Variants in MRC1 observed in about 807,000 individuals in gnomAD.
MRC1 encodes macrophage mannose receptor 1.
Under a neutral mutation model 102.9 loss-of-function variants are expected in MRC1, and 62 were observed. That is an observed-to-expected ratio of 0.60 (90% CI 0.49 to 0.74). The LOEUF is 0.74. Among genes scored for constraint, MRC1 ranks in the 30% least tolerant of loss-of-function variants. The pLI is 0.00. For synonymous variants in MRC1, 457 were observed against 298.4 expected (o/e 1.53, Z -5.48); for missense variants, 1,237 against 862.8 (o/e 1.43, Z -5.43).
intron 3 of MRC1, among the ~76,000 whole-genome samples, chr10:17,830,911 CAG>C (rs1838560653): frequency 6.6e-6 from 1 of 150,524 alleles, no homozygotes; most frequent in Non-Finnish European, 1.5e-5. Flanking sequence ...TTTTTGGAGA[CAG>C]AGTCTTGCTC....
At chr10:17,867,957 A>C (rs1334619308) in intron 12 of MRC1, among the ~76,000 whole-genome samples, 1 of 152,230 alleles carries the variant, frequency 6.6e-6, no homozygotes, top group Non-Finnish European at 1.5e-5. Context: ...TTCAGTGCCC[A>C]TTAAATGACA....
At chr10:17,836,214 A>G (rs1838659649) in intron 4 of MRC1, among the ~76,000 whole-genome samples, 2 of 152,246 alleles carry the variant, frequency 1.3e-5, no homozygotes, top group Admixed American at 1.3e-4. Context: ...GTCACCAACC[A>G]GAACACATCT....
chr10:17,879,740 G>C lies in MRC1; in HGVS notation c.2638G>C (p.Val880Leu), dbSNP rs1554842304. The C allele has an allele frequency of 2.6e-6, 2 of 780,874 alleles. No homozygotes were observed. Among genetic ancestry groups the C allele is most frequent in the Admixed American group, 3.4e-5 (2 of 59,030 alleles). The allele number at this position is 780,874 out of a possible 1,614,324, so 48.4% of individuals were successfully genotyped here. The change falls in exon 19 of 30, where the codon GTG (valine) becomes CTG (leucine). Residue 880 changes from valine to leucine, a missense_variant. Val to Leu is a conservative substitution (Grantham distance 32, BLOSUM62 1). Coordinates refer to ENST00000569591, the MANE Select transcript of MRC1 (RefSeq NM_002438.4). ...TTCCAGTTGGATGGATGGAAGCAAAGTGGATTACGTGTCTTGGGCCACAGG... is the reference window on the plus strand; with the variant it reads ...TTCCAGTTGGATGGATGGAAGCAAACTGGATTACGTGTCTTGGGCCACAGG... Reference protein sequence around the residue: ...KKFAWMDGSKVDYVSWATGEP... With the variant: ...KKFAWMDGSKLDYVSWATGEP...
chr10:17,897,977 G>C, intron 23 of MRC1, 57 bp from the exon 24 acceptor site: 1 of 780,498 alleles, frequency 1.3e-6, no homozygotes, highest in Admixed American at 1.7e-5. Flanking sequence ...TATCATTACT[G>C]ATAAGGCTCA....
In MRC1 at chr10:17,894,317, G is replaced by T. The variant is rs1213481590; in HGVS notation, c.3250+5G>T. 3 of 853,970 alleles carry T rather than the reference G, an allele frequency of 3.5e-6. No individual in the cohort carries two copies. The African/African-American group carries it at 5.0e-5, about 14-fold the overall frequency. The allele number at this position is 853,970 out of a possible 1,614,324, so 52.9% of individuals were successfully genotyped here. A position where few individuals can be genotyped will look rare whatever the true frequency, so the allele number is the denominator to read the frequency against. ...ACATATGCCAGACACGATCCGGTAAGTTCTACCAAACCTTACCTTCCTGAA... is the reference window on the plus strand; with the variant it reads ...ACATATGCCAGACACGATCCGGTAATTTCTACCAAACCTTACCTTCCTGAA... On this transcript the variant is annotated splice_donor_5th_base_variant and intron_variant, in intron 23 of 29. Transcript: ENST00000569591.
chr10:17,821,258 A>G (rs536550826), intron 1 of MRC1, among the ~76,000 whole-genome samples: 2,071 of 152,344 alleles, frequency 0.014, 49 homozygotes, highest in Middle Eastern at 0.086. Context: ...TAAGTAAGAC[A>G]GCATTTAATG....
Position 17,866,664 on chromosome 10 carries a change from C to T in MRC1, c.1886C>T (p.Ala629Val), listed in dbSNP as rs1205476782. 2 of 780,662 alleles carry T rather than the reference C, an allele frequency of 2.6e-6. No homozygotes were observed. The highest frequency in any genetic ancestry group is 2.4e-6 in the Non-Finnish European group (1 of 417,956). 48.4% of individuals were successfully genotyped at this position (780,662 alleles called of 1,614,324 possible). A position where few individuals can be genotyped will look rare whatever the true frequency, so the allele number is the denominator to read the frequency against. ...GCAAAATTTGTGTGCAAGCACTGGG[C>T]AGAAGGAGTAACCCACCCACCGAAG... ...EKAKFVCKHWAEGVTHPPKPT... is the reference protein window; with the variant it reads ...EKAKFVCKHWVEGVTHPPKPT... The change falls in exon 12 of 30, where the codon GCA becomes GTA. Residue 629 changes from alanine to valine, a missense_variant. Ala to Val is a moderately conservative substitution (Grantham distance 64, BLOSUM62 0). Coordinates refer to ENST00000569591, the MANE Select transcript of MRC1 (RefSeq NM_002438.4).
chr10:17,894,394 CT>C (rs34625338), intron 23 of MRC1, 82 bp downstream of exon 23: 25,753 of 379,504 alleles, frequency 0.068, 4 homozygotes, highest in Middle Eastern at 0.1. Context: ...TTCTTTCTTT[CT>C]TTTTTTTTTT....
chr10:17,861,869 A>C (rs922572882), intron 10 of MRC1, among the ~76,000 whole-genome samples: 2 of 152,194 alleles, frequency 1.3e-5, no homozygotes, highest in African/African-American at 4.8e-5. Flanking sequence ...TCCACCAAAA[A>C]AGAAGGCAAA....
intron 21 of MRC1, among the ~76,000 whole-genome samples, chr10:17,882,121 A>C (rs1833529154): frequency 6.6e-6 from 1 of 152,090 alleles, no homozygotes. Flanking sequence ...ATCCACTGAA[A>C]TAGGTATTAG....
chr10:17,865,975 T>A (rs1833260117), intron 11 of MRC1, among the ~76,000 whole-genome samples: 1 of 152,240 alleles, frequency 6.6e-6, no homozygotes, highest in African/African-American at 2.4e-5. Flanking sequence ...ACCTTGACTG[T>A]AAGACAGAAT....
intron 4 of MRC1, among the ~76,000 whole-genome samples, chr10:17,839,421 C>A (rs987844392): frequency 2.8e-4 from 42 of 149,024 alleles, no homozygotes; most frequent in East Asian, 2.4e-3. Context: ...CTTTTAGGAG[C>A]ATGTCCTGTA....
At chr10:17,907,757 A>G in intron 28 of MRC1, 59 bp downstream of exon 28, 1 of 777,804 alleles carries the variant, frequency 1.3e-6, no homozygotes, top group Non-Finnish European at 2.4e-6. Context: ...TTCAAATAGT[A>G]AGATATCAGG....
At chr10:17,875,370 G>A in intron 17 of MRC1, 117 bp downstream of exon 17, 1 of 732,018 alleles carries the variant, frequency 1.4e-6, no homozygotes, top group Admixed American at 1.9e-5. Flanking sequence ...CCCGTCACCT[G>A]AGCAGTATAC....
At chr10:17,837,684 A>G (rs1435522119) in intron 4 of MRC1, among the ~76,000 whole-genome samples, 3 of 151,670 alleles carry the variant, frequency 2.0e-5, no homozygotes, top group Admixed American at 6.6e-5. Context: ...GCTGGAGTGC[A>G]GTGGCACTAG....
chr10:17,901,945 T>C, intron 25 of MRC1, 28 bp from the exon 26 acceptor site: 1 of 780,838 alleles, frequency 1.3e-6, no homozygotes, highest in Non-Finnish European at 2.4e-6. Flanking sequence ...CAGGTTTTGC[T>C]TTATTTAAAA....
chr10:17,887,605 T>C (rs1564624134), intron 22 of MRC1, among the ~76,000 whole-genome samples: 1 of 152,170 alleles, frequency 6.6e-6, no homozygotes, highest in African/African-American at 2.4e-5. Flanking sequence ...ATTGCACATA[T>C]TTTTGTTGTT....
intron 27 of MRC1, 46 bp downstream of exon 27, chr10:17,907,045 T>C: frequency 1.3e-6 from 1 of 776,274 alleles, no homozygotes; most frequent in Non-Finnish European, 2.4e-6. Flanking sequence ...TTGTAAAATG[T>C]TGTATGTAAA....
intron 23 of MRC1, among the ~76,000 whole-genome samples, chr10:17,896,705 A>T (rs1833759825): frequency 6.6e-6 from 1 of 152,196 alleles, no homozygotes; most frequent in Non-Finnish European, 1.5e-5. Context: ...CTGAGGCAGG[A>T]GGGTTGCTTG....
Sources: allele counts gnomAD v4.1 joint callset (sites outside exome capture counted in the v4.1 genomes callset), GRCh38; gene constraint gnomAD v4.1.1; transcripts MANE v1.5; gene names NCBI Gene and HGNC (gene_info 2026-07-23, HGNC 2026-07-21).